The following PARG variants were observed in gnomAD, a reference collection of about 807,000 sequenced individuals.
PARG encodes the protein poly(ADP-ribose) glycohydrolase, also known as mitochondrial poly(ADP-ribose) glycohydrolase.
PARG carries 35 observed loss-of-function variants against 113.0 expected under a neutral mutation model. The observed-to-expected ratio is 0.31, with a 90% CI of 0.24 to 0.41. The LOEUF is 0.41. Among genes scored for constraint, PARG ranks in the 10% least tolerant of loss-of-function variants. The pLI is 1.00. For synonymous variants in PARG, 330 were observed against 409.9 expected (o/e 0.81, Z 2.36); for missense variants, 797 against 1,169.4 (o/e 0.68, Z 4.64).
chr10:49,914,613 G>A (rs1260767499), intron 7 of PARG, among the ~76,000 whole-genome samples: 16 of 152,156 alleles, frequency 1.1e-4, no homozygotes, highest in African/African-American at 3.6e-4. Context: ...AATTCAGAGT[G>A]AAATGCAAAG....
At chr10:49,908,897 A>C (rs1480736400) in intron 7 of PARG, among the ~76,000 whole-genome samples, 1 of 152,210 alleles carries the variant, frequency 6.6e-6, no homozygotes, top group Non-Finnish European at 1.5e-5. Flanking sequence ...TTACCGCCTT[A>C]GGTCAGCTTT....
intron 4 of PARG, among the ~76,000 whole-genome samples, chr10:49,926,878 C>T (rs1231149966): frequency 6.6e-6 from 1 of 152,236 alleles, no homozygotes; most frequent in African/African-American, 2.4e-5. Context: ...TAAGCAATAG[C>T]TATCTTATTC....
intron 16 of PARG, among the ~76,000 whole-genome samples, chr10:49,829,582 G>C (rs979727829): frequency 2.0e-5 from 3 of 152,094 alleles, no homozygotes; most frequent in East Asian, 3.9e-4. Context: ...TGGCTCACAA[G>C]TGTAATCACA....
Position 49,820,179 on chromosome 10 carries a change from C to T in PARG, c.2762G>A (p.Arg921Lys). ...CTCCTACTTACCAACAGTGAGTTTC[C>T]TTTCAGTAAGGAAAATGTGCATGCT... ...IYSMHIFLTERKLTVGDVYKL... is the reference protein window; with the variant it reads ...IYSMHIFLTEKKLTVGDVYKL... The change falls in exon 17 of 18, where the codon AGG becomes AAG. Residue 921 changes from arginine (R) to lysine (K), a missense_variant. Transcript: ENST00000616448. 1.3e-6 allele frequency: 2 copies of T among 1,547,166 alleles called. No homozygotes were observed. The highest frequency in any genetic ancestry group is 1.7e-6 in the Non-Finnish European group (2 of 1,142,994).
chr10:49,922,779 G>A lies in PARG; in HGVS notation c.1456-110C>T, dbSNP rs537593154. The A allele has an allele frequency of 1.7e-4, 129 of 762,412 alleles. 3 individuals carry two copies. In the South Asian group the frequency reaches 2.3e-3, roughly 13 times the overall value. The allele number at this position is 762,412 out of a possible 1,614,324, so 47.2% of individuals were successfully genotyped here. ...GCTATAAAATAGAGACCAGCTCCCA[G>A]GCAAGAAATCACCAAAGAACCCTTC... On this transcript the variant is annotated intron_variant, in intron 4 of 17. Coordinates refer to ENST00000616448, the MANE Select transcript of PARG (RefSeq NM_003631.5).
intron 14 of PARG, among the ~76,000 whole-genome samples, chr10:49,843,329 T>A (rs1845337433): frequency 6.6e-6 from 1 of 152,266 alleles, no homozygotes; most frequent in African/African-American, 2.4e-5. Flanking sequence ...CCCCTCTTTG[T>A]CTTTGCTTTA....
Position 49,879,736 on chromosome 10 carries a change from A to C in PARG, c.1925T>G (p.Phe642Cys). ...TTTCATCTTAGCATTTCGTCGTGGA[A>C]ATGTGCAGAAGAAAGCATTAGCTAA... ...SLLANAFFCT[F>C]PRRNAKMKSE... is the part of the protein sequence containing the mutation. Residue 642 changes from phenylalanine to cysteine, a missense_variant, in exon 9 of 18, where the codon TTT (phenylalanine) becomes TGT (cysteine). By Grantham distance (205) the Phe-to-Cys change is radical. This residue lies in a region of PARG where 252 missense variants were observed against 437.4 expected (regional missense o/e 0.58). Coordinates refer to ENST00000616448, the MANE Select transcript of PARG (RefSeq NM_003631.5). The C allele has an allele frequency of 6.3e-7, 1 of 1,578,856 alleles. No individual in the cohort carries two copies. Among genetic ancestry groups the C allele is most frequent in the Non-Finnish European group, 8.6e-7 (1 of 1,161,076 alleles).
intron 13 of PARG, among the ~76,000 whole-genome samples, chr10:49,847,292 T>C (rs1481527651): frequency 1.3e-5 from 2 of 152,224 alleles, no homozygotes; most frequent in African/African-American, 4.8e-5. Context: ...ATAAAATATA[T>C]AGCGATACAT....
At chr10:49,910,396 C>T (rs1837106581) in intron 7 of PARG, among the ~76,000 whole-genome samples, 1 of 152,226 alleles carries the variant, frequency 6.6e-6, no homozygotes, top group Non-Finnish European at 1.5e-5. Context: ...TTACTAGCCT[C>T]ATCACAGCAA....
intron 13 of PARG, among the ~76,000 whole-genome samples, chr10:49,855,148 TAATA>T (rs1348752026): frequency 2.4e-4 from 35 of 146,078 alleles, no homozygotes; most frequent in Non-Finnish European, 4.2e-4. Flanking sequence ...TAGAGAATAT[TAATA>T]AATAAAGGGA....
chr10:49,897,923 T>C (rs769054491), intron 7 of PARG, among the ~76,000 whole-genome samples: 4 of 152,038 alleles, frequency 2.6e-5, no homozygotes, highest in Admixed American at 2.0e-4. Flanking sequence ...GCTCGGGAGG[T>C]GGAGGTTGCA....
rs1177665511 is a variant in PARG, at chr10:49,915,951, C to A, written c.1703G>T (p.Trp568Leu). ...LKYNVAYSKK[W>L]DFTALIDFWD... is the part of the protein sequence containing the mutation. ...GAAATCGATCAAAGCTGTAAAGTCC[C>A]ATTTCTTAGAATATGCCACATTGTA... Residue 568 changes from tryptophan to leucine, a missense_variant, in exon 7 of 18, where the codon TGG (tryptophan) becomes TTG (leucine). This residue lies in a region of PARG where 252 missense variants were observed against 437.4 expected (regional missense o/e 0.58). Coordinates refer to ENST00000616448, the MANE Select transcript of PARG (RefSeq NM_003631.5). 1.3e-6 allele frequency: 2 copies of A among 1,541,310 alleles called. No homozygotes were observed. The highest frequency in any genetic ancestry group is 1.8e-6 in the Non-Finnish European group (2 of 1,137,180).
At chr10:49,868,179 G>A (rs1846613219) in intron 10 of PARG, among the ~76,000 whole-genome samples, 1 of 152,088 alleles carries the variant, frequency 6.6e-6, no homozygotes, top group Non-Finnish European at 1.5e-5. Flanking sequence ...AGTAGAAATG[G>A]GGTTTCACCA....
At position 49,842,054 on chromosome 10, in the gene PARG, C is replaced by T. The variant is rs1379045237; in HGVS notation, c.2437G>A (p.Asp813Asn). Residue 813 changes from aspartate (D) to asparagine (N), a missense_variant, in exon 15 of 18, where the codon GAC (aspartate) becomes AAC (asparagine). Physicochemically the swap from Asp to Asn is conservative, Grantham distance 23. Coordinates refer to ENST00000616448, the MANE Select transcript of PARG (RefSeq NM_003631.5). ...ATCTCAGTGCAGCGCCGCTGCCAGT[C>T]GTCCCTGGGACAGGAAGGAAAGGGG... ...RSHEDGSERD[D>N]WQRRCTEIVA... The T allele has an allele frequency of 1.9e-6, 3 of 1,545,556 alleles. No individual in the cohort carries two copies. The highest frequency in any genetic ancestry group is 2.4e-5 in the East Asian group (1 of 40,904).
intron 6 of PARG, among the ~76,000 whole-genome samples, chr10:49,918,811 A>C (rs1554848358): frequency 1.3e-5 from 2 of 152,228 alleles, no homozygotes; most frequent in Admixed American, 6.5e-5. Flanking sequence ...GTTCTATTGA[A>C]TCTACCATAA....
rs1225257384 is a variant in PARG, at chr10:49,922,256, T to C, written c.1662+80A>G. 7 of 1,434,682 alleles carry C rather than the reference T, an allele frequency of 4.9e-6. No individual in the cohort carries two copies. The African/African-American group carries it at 5.7e-5, about 12-fold the overall frequency. The allele number at this position is 1,434,682 out of a possible 1,614,324, so 88.9% of individuals were successfully genotyped here. A position where few individuals can be genotyped will look rare whatever the true frequency, so the allele number is the denominator to read the frequency against. On this transcript the variant is annotated intron_variant, in intron 6 of 17. Transcript: ENST00000616448. ...TTTGCATCTAAACAATGTTGCTACC[T>C]GAGTCTATTAAGACCAAAAAGTCTT...
In PARG at chr10:49,916,468, T is replaced by C. The variant is rs574274470; in HGVS notation, c.1663-477A>G. Among the ~76,000 whole-genome samples, 416 of 151,946 alleles carry C rather than the reference T, an allele frequency of 2.7e-3. 1 individual carries two copies. The highest frequency in any genetic ancestry group is 9.3e-3 in the African/African-American group (386 of 41,312). On this transcript the variant is annotated intron_variant, in intron 6 of 17. Coordinates refer to ENST00000616448, the MANE Select transcript of PARG (RefSeq NM_003631.5). ...ATAAAAAATAAAAATTTCATGGGGA[T>C]GAGGAGATTAGAAAAAAAGTATTTA...
chr10:49,891,284 C>T (rs1205130137), intron 7 of PARG, among the ~76,000 whole-genome samples: 1 of 151,692 alleles, frequency 6.6e-6, no homozygotes, highest in Middle Eastern at 3.2e-3. Context: ...ACTGCACTTC[C>T]GCCTGGGCGA....
Position 49,831,942 on chromosome 10 carries a change from G to C in PARG, c.2647+861C>G, listed in dbSNP as rs1342708789. On this transcript the variant is annotated intron_variant, in intron 16 of 17. Transcript: ENST00000616448. ...ACTTGTGGATGGAGTCTGAAGTGGG[G>C]GCAGTCTTGTGGACTCTGTTCTTAA... 3.9e-5 allele frequency among the ~76,000 whole-genome samples: 6 copies of C among 152,238 alleles called. No individual in the cohort carries two copies. In the East Asian group the frequency reaches 1.2e-3, roughly 29 times the overall value.
Sources: allele counts gnomAD v4.1 joint callset (sites outside exome capture counted in the v4.1 genomes callset), GRCh38; gene constraint gnomAD v4.1.1; regional missense constraint gnomAD v4.1.1; transcripts MANE v1.5; gene names NCBI Gene and HGNC (gene_info 2026-07-23, HGNC 2026-07-21).